The following APBA2 variants were observed in gnomAD, a reference collection of about 807,000 sequenced individuals.
The protein encoded by APBA2 is amyloid-beta A4 precursor protein-binding family A member 2.
A neutral mutation model predicts 75.0 loss-of-function variants in APBA2; 30 were observed. The observed-to-expected ratio is 0.40, with a 90% CI of 0.30 to 0.54. The LOEUF is 0.54. Among genes scored for constraint, APBA2 ranks in the 20% least tolerant of loss-of-function variants. APBA2 has a pLI of 0.49. For missense variants in APBA2, 801 were observed against 1,016.1 expected (o/e 0.79, Z 2.88); for synonymous variants, 444 against 409.6 (o/e 1.08, Z -1.01).
chr15:28,978,044 C>G (rs1664173055), intron 2 of APBA2, among the ~76,000 whole-genome samples: 1 of 152,324 alleles, frequency 6.6e-6, no homozygotes, highest in East Asian at 1.9e-4. Context: ...ACCAAACAAT[C>G]TCTCAAAGGG....
intron 3 of APBA2, among the ~76,000 whole-genome samples, chr15:28,999,389 T>C (rs2038723809): frequency 6.6e-6 from 1 of 152,046 alleles, no homozygotes; most frequent in African/African-American, 2.4e-5. Flanking sequence ...CAAATTAATT[T>C]TAAAAAGACA....
At chr15:29,043,537 A>T (rs772172127) in intron 3 of APBA2, among the ~76,000 whole-genome samples, 13 of 152,170 alleles carry the variant, frequency 8.5e-5, no homozygotes, top group Non-Finnish European at 1.5e-4. Flanking sequence ...TTGTCCCATC[A>T]CTCGAAGGCA....
At chr15:29,071,848 A>G (rs1384628248) in intron 4 of APBA2, among the ~76,000 whole-genome samples, 3 of 151,796 alleles carry the variant, frequency 2.0e-5, no homozygotes, top group African/African-American at 7.3e-5. Flanking sequence ...GCTGTTATGG[A>G]GGAAAGGTCA....
At chr15:28,939,262 G>T (rs147324098) in intron 2 of APBA2, among the ~76,000 whole-genome samples, 6 of 152,312 alleles carry the variant, frequency 3.9e-5, no homozygotes, top group African/African-American at 1.4e-4. Flanking sequence ...TTCTTCTGCT[G>T]CTGGACACGT....
intron 3 of APBA2, among the ~76,000 whole-genome samples, chr15:29,036,837 T>G (rs568038377): frequency 6.6e-6 from 1 of 152,162 alleles, no homozygotes; most frequent in African/African-American, 2.4e-5. Context: ...CCGGGCAACA[T>G]GGTGAGACCC....
chr15:29,109,305 C>T (rs1386687113), intron 13 of APBA2, among the ~76,000 whole-genome samples: 1 of 152,164 alleles, frequency 6.6e-6, no homozygotes, highest in Non-Finnish European at 1.5e-5. Context: ...GGGTGGAGTC[C>T]CAGGGCTTGG....
chr15:29,022,706 T>C (rs1246563753), intron 3 of APBA2, among the ~76,000 whole-genome samples: 8 of 152,206 alleles, frequency 5.3e-5, no homozygotes. Flanking sequence ...ATTGTTCTTC[T>C]AGAGTGTTTC....
chr15:28,903,627 C>T (rs2032985485), intron 1 of APBA2, among the ~76,000 whole-genome samples: 1 of 152,204 alleles, frequency 6.6e-6, no homozygotes, highest in Non-Finnish European at 1.5e-5. Flanking sequence ...GTGGAGTCAG[C>T]AGGGACAGCT....
chr15:28,902,002 G>A (rs539196805), intron 1 of APBA2, among the ~76,000 whole-genome samples: 9 of 149,368 alleles, frequency 6.0e-5, no homozygotes, highest in African/African-American at 2.0e-4. Context: ...CTCCAGCGAG[G>A]TATGGCAACA....
chr15:29,077,522 C>T (rs903014734), intron 6 of APBA2, among the ~76,000 whole-genome samples: 1 of 152,160 alleles, frequency 6.6e-6, no homozygotes, highest in Admixed American at 6.5e-5. Context: ...GGAGTGGGAT[C>T]GTGAGGGATC....
chr15:29,059,948 A>G (rs2042060110), intron 4 of APBA2, among the ~76,000 whole-genome samples: 1 of 152,164 alleles, frequency 6.6e-6, no homozygotes, highest in Middle Eastern at 3.2e-3. Flanking sequence ...GTGCTTCCCA[A>G]ACATGGTGTA....
intron 2 of APBA2, among the ~76,000 whole-genome samples, chr15:28,934,184 A>G (rs952909224): frequency 1.2e-4 from 19 of 152,172 alleles, no homozygotes; most frequent in African/African-American, 2.9e-4. Flanking sequence ...ACTGTGTCCT[A>G]TGTCCTGGGG....
chr15:29,015,242 A>G lies in APBA2; in HGVS notation c.-41+19436A>G, dbSNP rs145717579. On this transcript the variant is annotated intron_variant, in intron 3 of 14. Coordinates refer to ENST00000683413, the MANE Select transcript of APBA2 (RefSeq NM_001353788.2). ...GAGGCATGCTCTTGGAGAATCAGCCATCAAGCTGTCTTTTCCAGAGTGGAT... is the reference window on the plus strand; with the variant it reads ...GAGGCATGCTCTTGGAGAATCAGCCGTCAAGCTGTCTTTTCCAGAGTGGAT... Among the ~76,000 whole-genome samples the G allele has an allele frequency of 1.8e-3, 277 of 152,350 alleles. 1 individual carries two copies. The highest frequency in any genetic ancestry group is 6.4e-3 in the African/African-American group (268 of 41,580).
chr15:28,955,873 G>A (rs187311802), intron 2 of APBA2, among the ~76,000 whole-genome samples: 10 of 152,360 alleles, frequency 6.6e-5, no homozygotes, highest in Admixed American at 5.9e-4. Flanking sequence ...GTGCTTGGAG[G>A]TAGGTGTTGC....
chr15:29,045,096 TC>T (rs1869143622), intron 3 of APBA2, among the ~76,000 whole-genome samples: 11 of 127,934 alleles, frequency 8.6e-5, no homozygotes, highest in African/African-American at 2.0e-4. Context: ...TCTCTCTCTC[TC>T]TCTCTCGTCT....
At chr15:29,044,903 A>C (rs1035335681) in intron 3 of APBA2, among the ~76,000 whole-genome samples, 8 of 152,082 alleles carry the variant, frequency 5.3e-5, no homozygotes, top group Admixed American at 6.6e-5. Flanking sequence ...GTCTGTGATC[A>C]AGGTATGGGC....
Position 29,117,817 on chromosome 15 carries a change from C to T in APBA2, c.*684C>T, listed in dbSNP as rs2045297893. The T allele has an allele frequency of 3.3e-5, 5 of 151,308 alleles. No individual in the cohort carries two copies. In the South Asian group the frequency reaches 8.3e-4, roughly 25 times the overall value. 9.4% of individuals were successfully genotyped at this position (151,308 alleles called of 1,614,324 possible). A position where few individuals can be genotyped will look rare whatever the true frequency, so the allele number is the denominator to read the frequency against. On this transcript the variant is annotated 3_prime_UTR_variant, in exon 15 of 15. Coordinates refer to ENST00000683413, the MANE Select transcript of APBA2 (RefSeq NM_001353788.2). Reference sequence around the variant, plus strand: ...TTTCCAATGTGACTAATGACCACACCTGCCTCTCCCGTCGTCTCTTCTGGG... The same window carrying T: ...TTTCCAATGTGACTAATGACCACACTTGCCTCTCCCGTCGTCTCTTCTGGG...
At position 28,886,587 on chromosome 15, in the gene APBA2, C is replaced by T. The variant is rs188316523; in HGVS notation, c.-205+309C>T. Among the ~76,000 whole-genome samples, 1,441 of 152,000 alleles carry T rather than the reference C, an allele frequency of 9.5e-3. 38 individuals carry two copies. Among genetic ancestry groups the T allele is most frequent in the African/African-American group, 0.033 (1,348 of 41,476 alleles). On this transcript the variant is annotated intron_variant, in intron 1 of 14. Transcript: ENST00000683413. ...GGCACCGCGGCAAGGGGCCACCCGG[C>T]GCGGACAAGAGGCGCTGTGTGGCGG...
chr15:28,957,669 G>A (rs1393090337), intron 2 of APBA2, among the ~76,000 whole-genome samples: 2 of 152,178 alleles, frequency 1.3e-5, no homozygotes, highest in Admixed American at 1.3e-4. Context: ...CACCTCTCCT[G>A]TGTGGGAGCA....
Sources: gnomAD v4.1 joint callset for allele counts (sites outside exome capture counted in the v4.1 genomes callset) on GRCh38, gnomAD v4.1.1 for gene constraint, MANE v1.5 for transcripts, NCBI Gene and HGNC (gene_info 2026-07-23, HGNC 2026-07-21) for gene names.